ARHGEF7: variants seen among roughly 807,000 people sequenced by gnomAD.
The protein encoded by ARHGEF7 is PAK-interacting exchange factor beta.
In ARHGEF7, 33 loss-of-function variants were observed where a neutral mutation model predicts 109.8. The ratio of observed to expected loss-of-function variants is 0.30; its 90% CI spans 0.23 to 0.40. The LOEUF is 0.40. ARHGEF7 is among the 10% of genes least tolerant of loss of function. The pLI is 1.00. For synonymous variants in ARHGEF7, 458 were observed against 424.6 expected, an observed-to-expected ratio of 1.08 and a Z score of -0.97; for missense variants, 938 against 1,098.5, an observed-to-expected ratio of 0.85 and a Z score of 2.07.
At chr13:111,281,737 C>T in intron 15 of ARHGEF7, among the ~76,000 whole-genome samples, 1 of 152,202 alleles carries the variant, frequency 6.6e-6, no homozygotes, top group Non-Finnish European at 1.5e-5. Context: ...CTACTTCATA[C>T]AATTTTATAT....
chr13:111,191,674 G>A (rs1228465508), intron 2 of ARHGEF7, among the ~76,000 whole-genome samples: 3 of 152,158 alleles, frequency 2.0e-5, no homozygotes, highest in Non-Finnish European at 4.4e-5. Flanking sequence ...TGAGAGTCTT[G>A]TAGAGGTATT....
intron 2 of ARHGEF7, among the ~76,000 whole-genome samples, chr13:111,166,829 C>A (rs1461672714): frequency 6.6e-6 from 1 of 152,154 alleles, no homozygotes; most frequent in Non-Finnish European, 1.5e-5. Context: ...CAGCTTCAGA[C>A]TTCGGCACAA....
chr13:111,176,133 G>T (rs1464612924), intron 2 of ARHGEF7, among the ~76,000 whole-genome samples: 1 of 152,148 alleles, frequency 6.6e-6, no homozygotes, highest in East Asian at 1.9e-4. Context: ...AGCCACACAG[G>T]TAGTCTGTCA....
chr13:111,180,237 C>G (rs1172346969), intron 2 of ARHGEF7, among the ~76,000 whole-genome samples: 1 of 152,180 alleles, frequency 6.6e-6, no homozygotes, highest in Admixed American at 6.5e-5. Flanking sequence ...GATTCTATAA[C>G]ATTTGTGAAC....
intron 15 of ARHGEF7, chr13:111,281,181 C>CTTTTGTTTT (rs2092756570): frequency 3.4e-5 from 2 of 59,422 alleles, no homozygotes; most frequent in Admixed American, 2.3e-4. Context: ...TATTTAGAGA[C>CTTTTGTTTT]TTTTTTTTTT....
intron 2 of ARHGEF7, among the ~76,000 whole-genome samples, chr13:111,196,084 T>G (rs1437651472): frequency 6.6e-6 from 1 of 152,080 alleles, no homozygotes; most frequent in African/African-American, 2.4e-5. Flanking sequence ...GGTGACAGGG[T>G]AGAGTATTTT....
At chr13:111,116,026 C>T (rs1201342769) in intron 1 of ARHGEF7, among the ~76,000 whole-genome samples, 2 of 152,204 alleles carry the variant, frequency 1.3e-5, no homozygotes, top group South Asian at 2.1e-4. Flanking sequence ...GCCGGCCCCG[C>T]TCCCTGGCAG....
intron 2 of ARHGEF7, among the ~76,000 whole-genome samples, chr13:111,168,230 T>G (rs1404390219): frequency 1.3e-5 from 2 of 148,828 alleles, no homozygotes; most frequent in Non-Finnish European, 3.0e-5. Context: ...TCTCTGCCTC[T>G]GCCGCTCTCC....
intron 2 of ARHGEF7, among the ~76,000 whole-genome samples, chr13:111,195,876 G>C (rs749935421): frequency 6.6e-6 from 1 of 152,180 alleles, no homozygotes; most frequent in East Asian, 1.9e-4. Flanking sequence ...TAAGGCTGCT[G>C]CCTTTCTCTG....
rs540700989 is a variant in ARHGEF7 at position 111,301,496 on chromosome 13, A to G, written c.2430A>G (p.Val810=). ...GTTTCAGGAGTCTTGTGGATACCGT[A>G]TATGCATTAAAGGATGAAGTTCAAG... The part of the protein sequence containing the change: ...VIEEKSLVDT[V]YALKDEVQEL... Residue 810 remains valine, a synonymous_variant, in exon 21 of 22, where the codon GTA becomes GTG. Coordinates refer to ENST00000646102, the MANE Select transcript of ARHGEF7 (RefSeq NM_001354046.2). 8.1e-6 allele frequency: 13 copies of G among 1,613,228 alleles called. No homozygotes were observed. The highest frequency in any genetic ancestry group is 4.5e-5 in the East Asian group (2 of 44,882).
intron 5 of ARHGEF7, among the ~76,000 whole-genome samples, chr13:111,221,262 G>T (rs1372347980): frequency 1.9e-3 from 76 of 39,366 alleles, no homozygotes; most frequent in Non-Finnish European, 2.3e-3. Flanking sequence ...TATCTATATA[G>T]ATATATATGT....
chr13:111,140,780 A>C (rs1184253287), intron 1 of ARHGEF7, among the ~76,000 whole-genome samples: 2 of 151,704 alleles, frequency 1.3e-5, no homozygotes, highest in African/African-American at 4.9e-5. Context: ...GTAGCCTTGA[A>C]CTCCTGGGCT....
At chr13:111,289,587 G>A (rs964012072) in intron 18 of ARHGEF7, among the ~76,000 whole-genome samples, 12 of 152,204 alleles carry the variant, frequency 7.9e-5, no homozygotes, top group African/African-American at 2.4e-4. Context: ...TTTCCAGCTC[G>A]ACTGTCACTT....
At chr13:111,244,657 C>G (rs1451815640) in intron 8 of ARHGEF7, among the ~76,000 whole-genome samples, 1 of 152,226 alleles carries the variant, frequency 6.6e-6, no homozygotes, top group Non-Finnish European at 1.5e-5. Flanking sequence ...AAGGCCAGGT[C>G]TTTCCCCAAT....
At chr13:111,120,284 G>T (rs1221913597) in intron 1 of ARHGEF7, among the ~76,000 whole-genome samples, 1 of 152,232 alleles carries the variant, frequency 6.6e-6, no homozygotes, top group African/African-American at 2.4e-5. Flanking sequence ...AGTGCCTGAA[G>T]AGATTTCCTG....
intron 2 of ARHGEF7, among the ~76,000 whole-genome samples, chr13:111,175,583 C>T (rs2078068457): frequency 6.6e-6 from 1 of 152,134 alleles, no homozygotes; most frequent in Non-Finnish European, 1.5e-5. Flanking sequence ...GGACTGGAGG[C>T]CCCAGGGGCG....
At chr13:111,169,304 T>C (rs1296194708) in intron 2 of ARHGEF7, among the ~76,000 whole-genome samples, 1 of 152,202 alleles carries the variant, frequency 6.6e-6, no homozygotes, top group Non-Finnish European at 1.5e-5. Context: ...AGAGGTTTAA[T>C]GGGCTCATGG....
chr13:111,293,869 C>T (rs926880009), intron 19 of ARHGEF7: 94 of 985,190 alleles, frequency 9.5e-5, no homozygotes, highest in African/African-American at 1.4e-4. Flanking sequence ...TCCTGGGAGC[C>T]GGGTCCTGCT....
Position 111,202,059 on chromosome 13 carries a change from C to T in ARHGEF7, c.253-3230C>T, listed in dbSNP as rs72653507. ...TAGGATGATTTCATTTTGGGAGTAT[C>T]GGATCATTCTATTGCACATTTAATT... On this transcript the variant is annotated intron_variant, in intron 2 of 21. Coordinates refer to ENST00000646102, the MANE Select transcript of ARHGEF7 (RefSeq NM_001354046.2). 9.8e-3 allele frequency among the ~76,000 whole-genome samples: 1,484 copies of T among 152,200 alleles called. 19 individuals are homozygous for T. The highest frequency in any genetic ancestry group is 0.02 in the Middle Eastern group (6 of 294).
Sources: gnomAD v4.1 joint callset for allele counts (sites outside exome capture counted in the v4.1 genomes callset) on GRCh38, gnomAD v4.1.1 for gene constraint, MANE v1.5 for transcripts, NCBI Gene and HGNC (gene_info 2026-07-23, HGNC 2026-07-21) for gene names.